Variants in ZNF488 observed in about 807,000 individuals in gnomAD.
ZNF488 encodes the protein zinc finger protein 488.
ZNF488 carries 1 observed loss-of-function variant against 1.2 expected under a neutral mutation model. The ratio of observed to expected loss-of-function variants is 0.86; its 90% CI spans 0.30 to 4.07. The LOEUF is 4.07. Among genes scored for constraint, ZNF488 ranks in the 30% most tolerant of loss-of-function variants. The pLI is 0.18. For missense variants in ZNF488, 450 were observed against 437.9 expected (o/e 1.03, Z -0.25); for synonymous variants, 185 against 190.1 (o/e 0.97, Z 0.22).
rs1555213503 is a variant in ZNF488, at chr10:47,368,895, A to T, written c.-66T>A. Reference sequence around the variant, plus strand: ...CCAGCAAGGAGCCATGAGATATGGAAGCTCCCCATGACACTGGGCTGGACA... The same window carrying T: ...CCAGCAAGGAGCCATGAGATATGGATGCTCCCCATGACACTGGGCTGGACA... On this transcript the variant is annotated 5_prime_UTR_variant, in exon 2 of 2. Transcript: ENST00000585316. 6.6e-7 allele frequency: 1 copy of T among 1,520,058 alleles called. No homozygotes were observed. The highest frequency in any genetic ancestry group is 8.8e-7 in the Non-Finnish European group (1 of 1,135,952). The allele number at this position is 1,520,058 out of a possible 1,614,324, so 94.2% of individuals were successfully genotyped here.
chr10:47,381,030 G>A (rs76593330), intron 1 of ZNF488, among the ~76,000 whole-genome samples: 9,979 of 85,568 alleles, frequency 0.12, no homozygotes, highest in African/African-American at 0.14. Flanking sequence ...GTGCATAACA[G>A]TGTTTAATAA....
rs1837297535 is a variant in ZNF488 at position 47,368,161 on chromosome 10, C to T, written c.669G>A (p.Leu223=). The T allele has an allele frequency of 6.2e-7, 1 of 1,614,146 alleles. No homozygotes were observed. Among genetic ancestry groups the T allele is most frequent in the African/African-American group, 1.3e-5 (1 of 75,018 alleles). The change falls in exon 2 of 2, where the codon TTG becomes TTA. Residue 223 remains leucine, a synonymous_variant. Transcript: ENST00000585316. ...TGCTACAGAGTGGAGCATTCTGTGGCAATGCTTGCAAGTTCCACAAATCAC... is the reference window on the plus strand; with the variant it reads ...TGCTACAGAGTGGAGCATTCTGTGGTAATGCTTGCAAGTTCCACAAATCAC... ...LVGDLWNLQA[L]PQNAPLCSTF...
At position 47,368,614 on chromosome 10, in the gene ZNF488, C is replaced by T. The variant is rs147280746; in HGVS notation, c.216G>A (p.Ala72=). ...VGRAGRDVGS[A]ELALLVAPGK... ...CTGGGGCTACCAACAGTGCCAGCTCCGCACTGCCCACATCCCGGCCCGCCC... is the reference window on the plus strand; with the variant it reads ...CTGGGGCTACCAACAGTGCCAGCTCTGCACTGCCCACATCCCGGCCCGCCC... Residue 72 remains alanine (A), a synonymous_variant, in exon 2 of 2, where the codon GCG becomes GCA. Coordinates refer to ENST00000585316, the MANE Select transcript of ZNF488 (RefSeq NM_153034.4). 5.3e-5 allele frequency: 86 copies of T among 1,610,328 alleles called. No individual in the cohort carries two copies. Among genetic ancestry groups the T allele is most frequent in the Middle Eastern group, 1.6e-4 (1 of 6,066 alleles).
intron 1 of ZNF488, among the ~76,000 whole-genome samples, chr10:47,381,389 C>T (rs1195006760): frequency 6.6e-6 from 1 of 152,304 alleles, no homozygotes; most frequent in Admixed American, 6.5e-5. Context: ...AGAGGACAAT[C>T]ATCTACGGGC....
At chr10:47,369,056 G>A in intron 1 of ZNF488, 119 bp from the exon 2 acceptor site, 4 of 560,526 alleles carry the variant, frequency 7.1e-6, no homozygotes, top group Non-Finnish European at 1.2e-5. Flanking sequence ...TCTGTGGGAT[G>A]GGTGTGCTGA....
At chr10:47,373,026 G>C (rs1307916712) in intron 1 of ZNF488, among the ~76,000 whole-genome samples, 1 of 152,156 alleles carries the variant, frequency 6.6e-6, no homozygotes, top group Non-Finnish European at 1.5e-5. Flanking sequence ...TGAGCTCTGT[G>C]GCTTACTCTG....
intron 1 of ZNF488, among the ~76,000 whole-genome samples, chr10:47,379,645 C>T (rs868928334): frequency 1.4e-4 from 21 of 152,406 alleles, no homozygotes; most frequent in Middle Eastern, 3.4e-3. Flanking sequence ...TGGAAAATGA[C>T]GTGAGGCTGG....
chr10:47,368,969 T>C, intron 1 of ZNF488, 32 bp from the exon 2 acceptor site: 1 of 983,226 alleles, frequency 1.0e-6, no homozygotes, highest in Non-Finnish European at 1.5e-6. Context: ...GGCAGTGAGA[T>C]GGGCATTCAT....
Position 47,368,004 on chromosome 10 carries a change from A to G in ZNF488, c.826T>C (p.Trp276Arg). The change falls in exon 2 of 2, where the codon TGG becomes CGG. Residue 276 changes from tryptophan (W) to arginine (R), a missense_variant. By Grantham distance (101) the Trp-to-Arg change is moderately radical. Transcript: ENST00000585316. ...AAGGACAGGTTGCACTTTGCACACC[A>G]GTTCTGGGTGGACAAGCCCAGGGAG... The part of the protein sequence containing the change: ...LTSLGLSTQN[W>R]CAKCNLSFRL... 11 of 1,614,096 alleles carry G rather than the reference A, an allele frequency of 6.8e-6. No individual in the cohort carries two copies. Among genetic ancestry groups the G allele is most frequent in the Non-Finnish European group, 9.3e-6 (11 of 1,180,030 alleles).
At position 47,368,199 on chromosome 10, in the gene ZNF488, T is replaced by C. The variant is rs373095491; in HGVS notation, c.631A>G (p.Lys211Glu). The change falls in exon 2 of 2, where the codon AAG becomes GAG. Residue 211 changes from lysine to glutamate, a missense_variant. Lys to Glu is a moderately conservative substitution (Grantham distance 56, BLOSUM62 1). Coordinates refer to ENST00000585316, the MANE Select transcript of ZNF488 (RefSeq NM_153034.4). ...LACWGRLSTP[K>E]LLVGDLWNLQ... ...TTCCACAAATCACCAACCAAAAGCTTGGGAGTTGAAAGTCGACCCCAACAA... is the reference window on the plus strand; with the variant it reads ...TTCCACAAATCACCAACCAAAAGCTCGGGAGTTGAAAGTCGACCCCAACAA... 94 of 1,613,968 alleles carry C rather than the reference T, an allele frequency of 5.8e-5. No individual in the cohort carries two copies. Among genetic ancestry groups the C allele is most frequent in the African/African-American group, 1.1e-4 (8 of 74,892 alleles).
intron 1 of ZNF488, 53 bp from the exon 2 acceptor site, chr10:47,368,990 C>T: frequency 1.3e-6 from 1 of 799,618 alleles, no homozygotes; most frequent in South Asian, 1.8e-5. Flanking sequence ...CACTCAGGCA[C>T]AGTGCATCAT....
intron 1 of ZNF488, among the ~76,000 whole-genome samples, chr10:47,378,786 C>G (rs1264236241): frequency 1.3e-5 from 2 of 152,226 alleles, no homozygotes; most frequent in Non-Finnish European, 2.9e-5. Context: ...ATCGCCACCC[C>G]GCCTTGCCCT....
In ZNF488 at chr10:47,365,954, C is replaced by G. The variant is rs1837201730; in HGVS notation, c.*1853G>C. ...CACCTGTGGGCCTCATAAGGGCAAG[C>G]TCGGCCCATGAAGGTAGCAGGTATA... On this transcript the variant is annotated 3_prime_UTR_variant, in exon 2 of 2. Transcript: ENST00000585316. The G allele has an allele frequency of 6.0e-6, 1 of 167,118 alleles. No homozygotes were observed. Among genetic ancestry groups the G allele is most frequent in the African/African-American group, 2.4e-5 (1 of 41,452 alleles). The allele number at this position is 167,118 out of a possible 1,614,324, so 10.4% of individuals were successfully genotyped here. A position where few individuals can be genotyped will look rare whatever the true frequency, so the allele number is the denominator to read the frequency against.
At chr10:47,372,820 G>A (rs958366322) in intron 1 of ZNF488, among the ~76,000 whole-genome samples, 3 of 152,196 alleles carry the variant, frequency 2.0e-5, no homozygotes, top group African/African-American at 4.8e-5. Context: ...GAGATGCCAC[G>A]CACCTGGCCT....
chr10:47,372,781 G>A (rs181642709), intron 1 of ZNF488, among the ~76,000 whole-genome samples: 3 of 152,280 alleles, frequency 2.0e-5, no homozygotes, highest in Admixed American at 6.5e-5. Context: ...GGAGAGCACC[G>A]ACCTCGCCCA....
chr10:47,377,812 C>T (rs1555214639), intron 1 of ZNF488, among the ~76,000 whole-genome samples: 1 of 152,152 alleles, frequency 6.6e-6, no homozygotes, highest in African/African-American at 2.4e-5. Context: ...AGGGCTTCTG[C>T]CTGCCAGCTC....
At chr10:47,376,467 G>A (rs914066969) in intron 1 of ZNF488, among the ~76,000 whole-genome samples, 9 of 152,174 alleles carry the variant, frequency 5.9e-5, no homozygotes, top group Non-Finnish European at 1.0e-4. Flanking sequence ...CAACCCTGCC[G>A]AGGGAGGTAT....
Position 47,368,858 on chromosome 10 carries a change from G to A in ZNF488, c.-29C>T, listed in dbSNP as rs1338981761. ...TCAGTCTTTGGGGGTTTGGGGTTCT[G>A]GAGGGCTTGGCCCAGCAAGGAGCCA... On this transcript the variant is annotated 5_prime_UTR_variant, in exon 2 of 2. Coordinates refer to ENST00000585316, the MANE Select transcript of ZNF488 (RefSeq NM_153034.4). The A allele has an allele frequency of 1.3e-6, 2 of 1,549,906 alleles. No individual in the cohort carries two copies. The highest frequency in any genetic ancestry group is 1.4e-5 in the African/African-American group (1 of 73,050).
In ZNF488 at chr10:47,367,962, G is replaced by T. The variant is rs782600193; in HGVS notation, c.868C>A (p.Leu290Met). ...CNLSFRLTSD[L>M]VFHMRSHHKK... Reference sequence around the variant, plus strand: ...TGGTGGGATCGCATGTGAAAGACCAGGTCGGACGTTAGGCGAAAGGACAGG... The same window carrying T: ...TGGTGGGATCGCATGTGAAAGACCATGTCGGACGTTAGGCGAAAGGACAGG... Residue 290 changes from leucine (L) to methionine (M), a missense_variant, in exon 2 of 2, where the codon CTG (leucine) becomes ATG (methionine). Transcript: ENST00000585316. The T allele has an allele frequency of 1.9e-6, 3 of 1,614,142 alleles. No individual in the cohort carries two copies. The highest frequency in any genetic ancestry group is 2.5e-6 in the Non-Finnish European group (3 of 1,180,044).
Sources: allele counts gnomAD v4.1 joint callset (sites outside exome capture counted in the v4.1 genomes callset), GRCh38; gene constraint gnomAD v4.1.1; transcripts MANE v1.5; gene names NCBI Gene and HGNC (gene_info 2026-07-23, HGNC 2026-07-21).